The following MAGI1 variants were observed in gnomAD, a reference collection of about 807,000 sequenced individuals.
MAGI1 encodes membrane-associated guanylate kinase, WW and PDZ domain-containing protein 1.
In MAGI1, 58 loss-of-function variants were observed where a neutral mutation model predicts 139.9. That is an observed-to-expected ratio of 0.41 (90% CI 0.34 to 0.52). The LOEUF (loss-of-function observed/expected upper bound fraction) is 0.52. Ranked by LOEUF, MAGI1 falls within the 20% of genes least tolerant of loss-of-function variation. The pLI is 0.12. For missense variants in MAGI1, 1,874 were observed against 1,901.6 expected (o/e 0.99, Z 0.27); for synonymous variants, 812 against 737.9 (o/e 1.10, Z -1.63).
At chr3:65,918,602 A>T (rs2062021516) in intron 1 of MAGI1, among the ~76,000 whole-genome samples, 2 of 151,938 alleles carry the variant, frequency 1.3e-5, no homozygotes, top group South Asian at 4.1e-4. Flanking sequence ...GCTGGTCTCA[A>T]TCTCGTGACC....
intron 1 of MAGI1, among the ~76,000 whole-genome samples, chr3:65,754,490 T>C (rs2036405441): frequency 6.6e-6 from 1 of 152,230 alleles, no homozygotes; most frequent in African/African-American, 2.4e-5. Flanking sequence ...AGAAAGTTAT[T>C]CCATAAGCCT....
chr3:65,543,406 T>C (rs570196145), intron 2 of MAGI1, among the ~76,000 whole-genome samples: 1 of 152,294 alleles, frequency 6.6e-6, no homozygotes, highest in African/African-American at 2.4e-5. Flanking sequence ...ACTGGGTATA[T>C]ACCCAAAGGA....
At chr3:65,985,945 G>A (rs935641572) in intron 1 of MAGI1, among the ~76,000 whole-genome samples, 2 of 152,220 alleles carry the variant, frequency 1.3e-5, no homozygotes, top group Non-Finnish European at 2.9e-5. Flanking sequence ...AGAACTGTTA[G>A]TCAAGAAGAA....
intron 2 of MAGI1, among the ~76,000 whole-genome samples, chr3:65,567,823 G>A (rs1018023873): frequency 6.6e-6 from 1 of 152,072 alleles, no homozygotes; most frequent in African/African-American, 2.4e-5. Context: ...GTGACACATG[G>A]AGACTCTTTC....
intron 1 of MAGI1, among the ~76,000 whole-genome samples, chr3:65,627,467 T>C (rs1436724210): frequency 1.3e-5 from 2 of 148,672 alleles, no homozygotes; most frequent in African/African-American, 2.5e-5. Flanking sequence ...GATTTGCCGT[T>C]ATTTTATATT....
At chr3:65,906,402 T>C (rs1171455397) in intron 1 of MAGI1, among the ~76,000 whole-genome samples, 3 of 152,178 alleles carry the variant, frequency 2.0e-5, no homozygotes, top group Non-Finnish European at 2.9e-5. Flanking sequence ...GTCAGTTTAA[T>C]ACAGGGCTGA....
In MAGI1 at chr3:65,356,534, T is replaced by C; in HGVS notation, c.4233A>G (p.Arg1411=). Residue 1411 remains arginine, a synonymous_variant, in exon 23 of 23, where the codon AGA becomes AGG. Transcript: ENST00000402939. ...RRRARSPERR[R]ERSLDKRNRE... is the part of the protein sequence containing the mutation. ...TGTTCCTTTTGTCCAGGGACCGCTC[T>C]CTCCTGCGCTCGGGGGAGCGTGCGC... 1.2e-6 allele frequency: 2 copies of C among 1,610,224 alleles called. No individual in the cohort carries two copies. The highest frequency in any genetic ancestry group is 1.7e-6 in the Non-Finnish European group (2 of 1,179,866).
chr3:65,968,908 T>C (rs951817731), intron 1 of MAGI1, among the ~76,000 whole-genome samples: 1 of 152,212 alleles, frequency 6.6e-6, no homozygotes, highest in Non-Finnish European at 1.5e-5. Flanking sequence ...ATGCTTATCG[T>C]ATGCTAAACA....
At chr3:65,942,960 G>T (rs560576960) in intron 1 of MAGI1, among the ~76,000 whole-genome samples, 5 of 152,300 alleles carry the variant, frequency 3.3e-5, no homozygotes, top group African/African-American at 1.2e-4. Context: ...GGTGGAGGTT[G>T]CAGTGAGCCG....
intron 5 of MAGI1, among the ~76,000 whole-genome samples, chr3:65,458,549 C>A (rs1405045565): frequency 1.3e-5 from 2 of 152,086 alleles, no homozygotes; most frequent in Non-Finnish European, 2.9e-5. Context: ...ATTTGCATTT[C>A]TCTGATGATC....
At chr3:65,930,179 A>G (rs185116432) in intron 1 of MAGI1, among the ~76,000 whole-genome samples, 1 of 151,698 alleles carries the variant, frequency 6.6e-6, no homozygotes, top group Non-Finnish European at 1.5e-5. Flanking sequence ...AGTCGGGCGC[A>G]GTGGCGGGCG....
intron 2 of MAGI1, among the ~76,000 whole-genome samples, chr3:65,587,881 A>T (rs986180849): frequency 2.0e-5 from 3 of 152,190 alleles, no homozygotes; most frequent in African/African-American, 7.2e-5. Flanking sequence ...ACACAATGAA[A>T]CAACAGAAGC....
At chr3:65,558,206 G>A (rs2080177165) in intron 2 of MAGI1, among the ~76,000 whole-genome samples, 1 of 122,994 alleles carries the variant, frequency 8.1e-6, no homozygotes, top group Non-Finnish European at 1.9e-5. Context: ...AGGAGTCCAA[G>A]TGCCCCCATC....
intron 1 of MAGI1, among the ~76,000 whole-genome samples, chr3:65,705,669 C>T (rs1559804741): frequency 6.6e-6 from 1 of 152,334 alleles, no homozygotes; most frequent in African/African-American, 2.4e-5. Flanking sequence ...AACATTTTCA[C>T]ATACCCCTAG....
chr3:65,537,975 A>C (rs969927875), intron 2 of MAGI1, among the ~76,000 whole-genome samples: 3 of 152,016 alleles, frequency 2.0e-5, no homozygotes, highest in Non-Finnish European at 4.4e-5. Flanking sequence ...AAAATTAATA[A>C]AAAAATAAAA....
chr3:65,360,958 A>G (rs1940795386), intron 22 of MAGI1: 3 of 1,421,922 alleles, frequency 2.1e-6, no homozygotes, highest in East Asian at 5.0e-5. Context: ...GTTCTCTCTG[A>G]TTATCAGAAA....
intron 1 of MAGI1, among the ~76,000 whole-genome samples, chr3:65,798,716 G>A (rs564367110): frequency 4.5e-4 from 69 of 152,262 alleles, no homozygotes; most frequent in Admixed American, 1.6e-3. Context: ...CCACGGCTTC[G>A]CTTTCTGCAG....
chr3:65,460,672 T>A (rs1460665949), intron 5 of MAGI1, among the ~76,000 whole-genome samples: 5 of 151,816 alleles, frequency 3.3e-5, no homozygotes, highest in African/African-American at 1.2e-4. Context: ...CATTAGGTAT[T>A]ACTCCTAATG....
intron 13 of MAGI1, among the ~76,000 whole-genome samples, chr3:65,391,622 A>G (rs1021362882): frequency 2.0e-5 from 3 of 152,196 alleles, no homozygotes; most frequent in Non-Finnish European, 2.9e-5. Context: ...CAAATCTGAT[A>G]TTCATCACAG....
Sources: gnomAD v4.1 joint callset for allele counts (sites outside exome capture counted in the v4.1 genomes callset) on GRCh38, gnomAD v4.1.1 for gene constraint, MANE v1.5 for transcripts, NCBI Gene and HGNC (gene_info 2026-07-23, HGNC 2026-07-21) for gene names.